Variants in LAMB4 observed in about 807,000 individuals in gnomAD.
LAMB4 encodes laminin subunit beta-4.
Under a neutral mutation model 199.2 loss-of-function variants are expected in LAMB4, and 196 were observed. That is an observed-to-expected ratio of 0.98 (90% CI 0.88 to 1.11). The LOEUF (loss-of-function observed/expected upper bound fraction) is 1.11. Among genes scored for constraint, LAMB4 ranks in the 50% least tolerant of loss-of-function variants. LAMB4 has a pLI of 0.00. For synonymous variants in LAMB4, 744 were observed against 770.6 expected, an observed-to-expected ratio of 0.97 and a Z score of 0.57; for missense variants, 2,080 against 2,171.2, an observed-to-expected ratio of 0.96 and a Z score of 0.83.
downstream of LAMB4, among the ~76,000 whole-genome samples, chr7:108,019,316 C>A (rs1256202364): frequency 1.3e-5 from 2 of 151,920 alleles, no homozygotes; most frequent in East Asian, 3.9e-4. Flanking sequence ...CAGGTCAATC[C>A]TCCCGTGCTG....
Position 108,048,001 on chromosome 7 carries a change from G to A in LAMB4, c.4233C>T (p.Ser1411=), listed in dbSNP as rs776805522. 11 of 1,614,054 alleles carry A rather than the reference G, an allele frequency of 6.8e-6. No homozygotes were observed. The highest frequency in any genetic ancestry group is 6.6e-5 in the South Asian group (6 of 91,090). ...GGAGGGCATTCGTTGAGAGGGTCAG[G>A]GAGCCGTGACAGCCGGGACCCCTAC... The part of the protein sequence containing the change: ...RKCRGPGCHG[S]LTLSTNALQK... The change falls in exon 28 of 34, where the codon TCC becomes TCT. Residue 1411 remains serine, a synonymous_variant. Transcript: ENST00000388781.
At chr7:108,128,743 C>T (rs1423014056) in intron 1 of LAMB4, among the ~76,000 whole-genome samples, 1 of 152,226 alleles carries the variant, frequency 6.6e-6, no homozygotes, top group Non-Finnish European at 1.5e-5. Context: ...CTTCGTCAAA[C>T]TATAAGTTTA....
chr7:108,029,729 T>C (rs950610282), intron 32 of LAMB4, among the ~76,000 whole-genome samples: 2 of 152,252 alleles, frequency 1.3e-5, no homozygotes, highest in South Asian at 4.1e-4. Flanking sequence ...TGGAAATCTG[T>C]GGGTTACCTT....
intron 17 of LAMB4, 77 bp downstream of exon 17, chr7:108,076,867 T>A: frequency 6.8e-7 from 1 of 1,474,384 alleles, no homozygotes. Flanking sequence ...AAAGAAATAT[T>A]TCACTAGTGA....
At chr7:108,041,852 G>A (rs541601412) in intron 29 of LAMB4, among the ~76,000 whole-genome samples, 1 of 152,116 alleles carries the variant, frequency 6.6e-6, no homozygotes, top group Non-Finnish European at 1.5e-5. Flanking sequence ...TGTGACTCGA[G>A]TTTACAAACC....
chr7:108,076,019 A>C (rs1371598134), intron 17 of LAMB4: 1 of 153,870 alleles, frequency 6.5e-6, no homozygotes, highest in Admixed American at 6.6e-5. Context: ...AAATTATTTC[A>C]AGAGCCATAA....
At chr7:108,052,320 A>C (rs940387195) in intron 25 of LAMB4, 63 bp from the exon 26 acceptor site, 117 of 1,312,786 alleles carry the variant, frequency 8.9e-5, no homozygotes, top group Non-Finnish European at 1.1e-4. Context: ...TTGGTGAAAA[A>C]AATGCCACCA....
chr7:108,017,282 T>C, the LAMB4 span, among the ~76,000 whole-genome samples: 1 of 152,192 alleles, frequency 6.6e-6, no homozygotes, highest in Non-Finnish European at 1.5e-5. Context: ...GTTCAAGTTC[T>C]TCAGAAGAGA....
intron 3 of LAMB4, among the ~76,000 whole-genome samples, chr7:108,113,112 C>T (rs1426455794): frequency 1.3e-5 from 2 of 152,204 alleles, no homozygotes; most frequent in Admixed American, 1.3e-4. Flanking sequence ...TTCAAAGAGC[C>T]TTTCCCTGAC....
Position 108,107,782 on chromosome 7 carries a change from G to A in LAMB4, c.440C>T (p.Thr147Ile). The stretch of plus-strand genomic sequence containing the variant: ...CACTTTCCAGTTGTGTCCATAGTCT[G>A]TGGAACGTTCAACTAACATTGCAGC... ...RPAAMLVERS[T>I]DYGHNWKVFK... Residue 147 changes from threonine to isoleucine, a missense_variant, in exon 6 of 34, where the codon ACA becomes ATA. Thr to Ile is a moderately conservative substitution (Grantham distance 89, BLOSUM62 -1). Transcript: ENST00000388781. 1 of 1,605,212 alleles carries A rather than the reference G, an allele frequency of 6.2e-7. No homozygotes were observed. Among genetic ancestry groups the A allele is most frequent in the Non-Finnish European group, 8.5e-7 (1 of 1,178,078 alleles).
In LAMB4 at chr7:108,055,889, G is replaced by A; in HGVS notation, c.3498C>T (p.Ser1166=). 3.1e-6 allele frequency: 5 copies of A among 1,614,150 alleles called. No individual in the cohort carries two copies. Among genetic ancestry groups the A allele is most frequent in the Non-Finnish European group, 4.2e-6 (5 of 1,180,022 alleles). The change falls in exon 25 of 34, where the codon AGC becomes AGT. Residue 1166 remains serine (S), a synonymous_variant. Coordinates refer to ENST00000388781, the MANE Select transcript of LAMB4 (RefSeq NM_007356.3). ...QRCDRCARGH[S]QEFPTCLQCH... is the part of the protein sequence containing the mutation. ...ATTGAAGACAAGTAGGGAATTCCTG[G>A]CTGTGTCCCCGGGCACAGCGATCAC...
intron 29 of LAMB4, 113 bp from the exon 30 acceptor site, chr7:108,037,708 C>A: frequency 1.4e-6 from 1 of 734,188 alleles, no homozygotes; most frequent in Non-Finnish European, 2.4e-6. Context: ...GATTATGTGC[C>A]CCTAGAATAC....
chr7:108,069,873 G>C lies in LAMB4; in HGVS notation c.2137C>G (p.Pro713Ala). ...AAATTCTCCAATGAATTGATTTGGG[G>C]AATAAGGCCAAGCTTTTGAAAGAAT... ...HVLVDSLGLI[P>A]QINSLENFCS... Residue 713 changes from proline (P) to alanine (A), a missense_variant, in exon 18 of 34, where the codon CCC becomes GCC. Transcript: ENST00000388781. 6.2e-7 allele frequency: 1 copy of C among 1,611,024 alleles called. No homozygotes were observed. Among genetic ancestry groups the C allele is most frequent in the Non-Finnish European group, 8.5e-7 (1 of 1,177,638 alleles).
chr7:108,014,274 G>T, the LAMB4 span, among the ~76,000 whole-genome samples: 26 of 152,276 alleles, frequency 1.7e-4, no homozygotes, highest in African/African-American at 6.0e-4. Context: ...AATCAAGCTT[G>T]CTGATATTCT....
intron 29 of LAMB4, among the ~76,000 whole-genome samples, 172 bp downstream of exon 29, chr7:108,043,580 T>G (rs2035506229): frequency 2.2e-5 from 1 of 44,500 alleles, no homozygotes; most frequent in Non-Finnish European, 3.5e-5. Context: ...TTTTTTTTTT[T>G]TTTTTTTTTT....
At chr7:108,062,053 G>A (rs2150546361) in intron 23 of LAMB4, among the ~76,000 whole-genome samples, 1 of 152,132 alleles carries the variant, frequency 6.6e-6, no homozygotes, top group African/African-American at 2.4e-5. Flanking sequence ...CTATTAATGT[G>A]AAAATTGTTT....
chr7:108,064,655 A>T (rs985977976), intron 21 of LAMB4, among the ~76,000 whole-genome samples: 3 of 152,170 alleles, frequency 2.0e-5, no homozygotes, highest in Admixed American at 6.5e-5. Context: ...CTCAGTTCTT[A>T]AAAACTGACC....
intron 12 of LAMB4, among the ~76,000 whole-genome samples, chr7:108,094,621 T>C (rs1296600982): frequency 6.6e-6 from 1 of 151,756 alleles, no homozygotes; most frequent in Non-Finnish European, 1.5e-5. Flanking sequence ...GCTGCCAAGA[T>C]TGGAGAACAA....
chr7:108,030,963 C>G lies in LAMB4; in HGVS notation c.4835G>C (p.Arg1612Thr). The change falls in exon 32 of 34, where the codon AGG becomes ACG. Residue 1612 changes from arginine to threonine, a missense_variant. Coordinates refer to ENST00000388781, the MANE Select transcript of LAMB4 (RefSeq NM_007356.3). ...TAACTCCAGCTCACTCTTCATTTCC[C>G]TGGTTTGATTTTCAGCCTGTTGTTG... is the stretch of plus-strand genomic sequence containing the variant. ...KNVLQAENQT[R>T]EMKSELELAK... The G allele has an allele frequency of 6.2e-7, 1 of 1,612,542 alleles. No individual in the cohort carries two copies. The highest frequency in any genetic ancestry group is 8.5e-7 in the Non-Finnish European group (1 of 1,179,410).
Sources: gnomAD v4.1 joint callset for allele counts (sites outside exome capture counted in the v4.1 genomes callset) on GRCh38, gnomAD v4.1.1 for gene constraint, MANE v1.5 for transcripts, NCBI Gene and HGNC (gene_info 2026-07-23, HGNC 2026-07-21) for gene names.